The following USP43 variants were observed in gnomAD, a reference collection of about 807,000 sequenced individuals.
The protein encoded by USP43 is ubiquitin specific peptidase 43.
In USP43, 33 loss-of-function variants were observed where a neutral mutation model predicts 90.7. That is an observed-to-expected ratio of 0.36 (90% CI 0.28 to 0.49). The LOEUF is 0.49. Among genes scored for constraint, USP43 ranks in the 20% least tolerant of loss-of-function variants. The pLI, the probability that USP43 is intolerant of heterozygous loss-of-function variation, is 0.98. For missense variants in USP43, 1,274 were observed against 1,476.4 expected (o/e 0.86, Z 2.25); for synonymous variants, 598 against 615.8 (o/e 0.97, Z 0.43).
At chr17:9,693,001 C>T (rs542280082) in intron 8 of USP43, 126 bp from the exon 9 acceptor site, 50 of 753,424 alleles carry the variant, frequency 6.6e-5, no homozygotes, top group Middle Eastern at 7.1e-4. Context: ...CTAATTATTA[C>T]GGGAATATTC....
rs12450515 is a variant in USP43, at chr17:9,728,930, A to G, written c.3312A>G (p.Arg1104=). 79,646 of 1,605,854 alleles carry G rather than the reference A, an allele frequency of 0.05. 4,373 individuals are homozygous for G. The highest frequency in any genetic ancestry group is 0.34 in the East Asian group (15,125 of 44,726). ...GEQASYGTFQ[R]VKYHTLSLGR... ...AGGCTTCTTATGGCACCTTTCAGAG[A>G]GTCAAATATCACACTCTTTCTTTAG... The change falls in exon 15 of 15, where the codon AGA becomes AGG. Residue 1104 remains arginine, a synonymous_variant. Transcript: ENST00000285199. The surrounding 1 kb of genome is among the most constrained non-coding windows in gnomAD (Gnocchi z 6.2).
In USP43 at chr17:9,728,408, C is replaced by T; in HGVS notation, c.2790C>T (p.Asp930=). The change falls in exon 15 of 15, where the codon GAC becomes GAT. Residue 930 remains aspartate, a synonymous_variant. Coordinates refer to ENST00000285199, the MANE Select transcript of USP43 (RefSeq NM_153210.5). The surrounding 1 kb of genome is among the most constrained non-coding windows in gnomAD (Gnocchi z 6.2). ...ACATCAAGCTTCCCAGAAAGTTTGACCTGCCTCTCACTGTGATGCCTTCAG... is the reference window on the plus strand; with the variant it reads ...ACATCAAGCTTCCCAGAAAGTTTGATCTGCCTCTCACTGTGATGCCTTCAG... ...GQDIKLPRKF[D]LPLTVMPSVE... is the part of the protein sequence containing the mutation. 2 of 1,609,360 alleles carry T rather than the reference C, an allele frequency of 1.2e-6. No homozygotes were observed. The highest frequency in any genetic ancestry group is 1.7e-6 in the Non-Finnish European group (2 of 1,177,864).
chr17:9,651,439 C>T (rs1200009174), intron 1 of USP43, among the ~76,000 whole-genome samples: 2 of 152,122 alleles, frequency 1.3e-5, no homozygotes, highest in African/African-American at 4.8e-5. Context: ...GCCACTTTAC[C>T]CAGCCCATCT....
chr17:9,686,785 CT>C lies in USP43; in HGVS notation c.1242-11del, dbSNP rs201916622. On this transcript the variant is annotated splice_polypyrimidine_tract_variant and intron_variant, in intron 7 of 14. Transcript: ENST00000285199. This position sits in a 1 kb window ranked among gnomAD's most constrained non-coding sequence, Gnocchi z 5.5. Reference sequence around the variant, plus strand: ...TCCTTTGCTGGGATAACCCGATTTCCTTGGATTTTCAGGTTTGGGCCACCCT... The same window carrying C: ...TCCTTTGCTGGGATAACCCGATTTCCTGGATTTTCAGGTTTGGGCCACCCT... 1.0e-3 allele frequency: 1,611 copies of C among 1,613,214 alleles called. 11 individuals carry two copies. In the African/African-American group the frequency reaches 0.02, roughly 20 times the overall value.
At chr17:9,676,724 G>C (rs201400428) in intron 4 of USP43, 22 bp from the exon 5 acceptor site, 38 of 1,609,630 alleles carry the variant, frequency 2.4e-5, no homozygotes, top group Non-Finnish European at 8.5e-7. Context: ...CTTTAAGGGT[G>C]TTGCCCCTTC....
chr17:9,724,434 C>G (rs763434799), intron 14 of USP43, among the ~76,000 whole-genome samples: 3 of 152,118 alleles, frequency 2.0e-5, no homozygotes, highest in Non-Finnish European at 4.4e-5. Flanking sequence ...AATCCCAGCA[C>G]TTTGAGAGGT....
intron 14 of USP43, among the ~76,000 whole-genome samples, chr17:9,712,785 TTTTG>T (rs144240199): frequency 0.06 from 9,129 of 151,434 alleles, 862 homozygotes; most frequent in African/African-American, 0.2. Flanking sequence ...GGAGAGGTGT[TTTTG>T]TTTGTTTGTT....
rs1008527831 is a variant in USP43 at position 9,674,174 on chromosome 17, A to G, written c.741-717A>G. 6.6e-6 allele frequency among the ~76,000 whole-genome samples: 1 copy of G among 152,010 alleles called. No homozygotes were observed. The highest frequency in any genetic ancestry group is 6.6e-5 in the Admixed American group (1 of 15,240). On this transcript the variant is annotated intron_variant, in intron 3 of 14. Transcript: ENST00000285199. This position sits in a 1 kb window ranked among gnomAD's most constrained non-coding sequence, Gnocchi z 4.4. ...AGATCCCTTCAGCTTGGAAGTTGGC[A>G]TGCTGGGTTTGTATGGCAGGGGCGG...
chr17:9,667,517 C>T (rs924895431), intron 3 of USP43, among the ~76,000 whole-genome samples: 10 of 152,204 alleles, frequency 6.6e-5, no homozygotes, highest in Non-Finnish European at 1.5e-4. Flanking sequence ...AAGGCAGAAT[C>T]GTTTCAATAT....
chr17:9,707,588 A>G (rs1363807731), intron 12 of USP43, among the ~76,000 whole-genome samples: 1 of 148,478 alleles, frequency 6.7e-6, no homozygotes, highest in African/African-American at 2.5e-5. Context: ...TGGAGCTTGC[A>G]GTGAGCCGAG....
At chr17:9,664,622 G>A (rs547245429) in intron 2 of USP43, among the ~76,000 whole-genome samples, 13 of 151,946 alleles carry the variant, frequency 8.6e-5, no homozygotes, top group South Asian at 2.1e-4. Context: ...TATTTTATGT[G>A]GGGCCTTGCA....
At chr17:9,702,254 A>G (rs10163492) in intron 12 of USP43, among the ~76,000 whole-genome samples, 191 of 152,280 alleles carry the variant, frequency 1.3e-3, no homozygotes, top group Non-Finnish European at 2.3e-3. Flanking sequence ...TTGTAGTCCT[A>G]GTTGCTCAGG....
chr17:9,677,301 C>T (rs529254867), intron 5 of USP43, among the ~76,000 whole-genome samples: 10 of 152,286 alleles, frequency 6.6e-5, no homozygotes, highest in Admixed American at 2.6e-4. Flanking sequence ...ACTTGCCCAA[C>T]GTCACTAGCT....
chr17:9,704,075 G>A (rs1915732610), intron 12 of USP43, among the ~76,000 whole-genome samples: 1 of 152,094 alleles, frequency 6.6e-6, no homozygotes, highest in Admixed American at 6.5e-5. Context: ...TCTGGAGTAG[G>A]GTTTTGCTGT....
Position 9,709,595 on chromosome 17 carries a change from A to C in USP43, c.2012-361A>C, listed in dbSNP as rs2937969. Among the ~76,000 whole-genome samples the C allele has an allele frequency of 0.36, 55,379 of 151,730 alleles. 11,776 individuals are homozygous for C. Among genetic ancestry groups the C allele is most frequent in the African/African-American group, 0.6 (24,818 of 41,336 alleles). ...GCCGGGTGTGGTGGCAGGCAACTGT[A>C]ATCCTAGCTACCCAGGAGGCTGAGG... is the stretch of plus-strand genomic sequence containing the variant. On this transcript the variant is annotated intron_variant, in intron 12 of 14. Coordinates refer to ENST00000285199, the MANE Select transcript of USP43 (RefSeq NM_153210.5). The surrounding 1 kb of genome is among the most constrained non-coding windows in gnomAD (Gnocchi z 5.0).
Position 9,701,274 on chromosome 17 carries a change from C to T in USP43, c.1662+29C>T, listed in dbSNP as rs141092400. Reference sequence around the variant, plus strand: ...CCGCCCTGGGGGTCCATGCCCCGGCCGGGAAGGGGGCTGGCTGCCTTTGGT... The same window carrying T: ...CCGCCCTGGGGGTCCATGCCCCGGCTGGGAAGGGGGCTGGCTGCCTTTGGT... On this transcript the variant is annotated intron_variant, in intron 11 of 14. Transcript: ENST00000285199. The surrounding 1 kb of genome is among the most constrained non-coding windows in gnomAD (Gnocchi z 7.2). 4.4e-5 allele frequency: 70 copies of T among 1,600,116 alleles called. No homozygotes were observed. In the Middle Eastern group the frequency reaches 5.0e-4, roughly 11 times the overall value.
chr17:9,695,941 G>T (rs929449651), intron 9 of USP43, among the ~76,000 whole-genome samples: 1 of 152,060 alleles, frequency 6.6e-6, no homozygotes, highest in Non-Finnish European at 1.5e-5. Context: ...GTTGTAGCAC[G>T]CATTAGAATT....
chr17:9,681,103 C>G (rs796721974), intron 6 of USP43, among the ~76,000 whole-genome samples: 58 of 57,504 alleles, frequency 1.0e-3, no homozygotes, highest in African/African-American at 6.2e-3. Context: ...ATGACATATA[C>G]TATATAATAT....
In USP43 at chr17:9,645,852, A is replaced by G. The variant is rs2151957605; in HGVS notation, c.220A>G (p.Ser74Gly). Residue 74 changes from serine to glycine, a missense_variant, in exon 1 of 15, where the codon AGC (serine) becomes GGC (glycine). Transcript: ENST00000285199. This position sits in a 1 kb window ranked among gnomAD's most constrained non-coding sequence, Gnocchi z 6.8. The stretch of plus-strand genomic sequence containing the variant: ...GGGCCCAGTTCCAGCGGCCCCCGGG[A>G]GCCCCGGGGAGGAACGCCCGCCCGG... The part of the protein sequence containing the change: ...APGPVPAAPG[S>G]PGEERPPGPQ... 1 of 1,408,078 alleles carries G rather than the reference A, an allele frequency of 7.1e-7. No homozygotes were observed. The allele number at this position is 1,408,078 out of a possible 1,614,324, so 87.2% of individuals were successfully genotyped here.
Sources: gnomAD v4.1 joint callset for allele counts (sites outside exome capture counted in the v4.1 genomes callset) on GRCh38, gnomAD v4.1.1 for gene constraint, Gnocchi (gnomAD v3.1) non-coding constraint, MANE v1.5 for transcripts, NCBI Gene and HGNC (gene_info 2026-07-23, HGNC 2026-07-21) for gene names.